ARHGAP15: variants seen among roughly 807,000 people sequenced by gnomAD.
ARHGAP15 encodes rho GTPase-activating protein 15.
Under a neutral mutation model 63.7 loss-of-function variants are expected in ARHGAP15, and 51 were observed. That is an observed-to-expected ratio of 0.80 (90% CI 0.64 to 1.01). The LOEUF is 1.01. ARHGAP15 is among the 50% of genes least tolerant of loss of function. The pLI, the probability that ARHGAP15 is intolerant of heterozygous loss-of-function variation, is 0.00. For missense variants in ARHGAP15, 560 were observed against 564.6 expected (o/e 0.99, Z 0.08); for synonymous variants, 191 against 193.8 (o/e 0.99, Z 0.12).
intron 12 of ARHGAP15, among the ~76,000 whole-genome samples, chr2:143,674,874 A>G (rs1215615114): frequency 6.6e-6 from 1 of 152,130 alleles, no homozygotes; most frequent in Admixed American, 6.6e-5. Context: ...CTGACTGATC[A>G]GGGTGGGGGG....
intron 6 of ARHGAP15, among the ~76,000 whole-genome samples, chr2:143,340,518 A>ATT (rs1189994184): frequency 9.8e-6 from 1 of 101,898 alleles, no homozygotes; most frequent in Non-Finnish European, 2.1e-5. Context: ...TTAATGGCAG[A>ATT]TTTTTTCTCT....
At chr2:143,664,863 C>G (rs534510249) in intron 12 of ARHGAP15, among the ~76,000 whole-genome samples, 2 of 152,096 alleles carry the variant, frequency 1.3e-5, no homozygotes, top group Non-Finnish European at 2.9e-5. Flanking sequence ...CAAGACTAAA[C>G]CAGGAAGAAG....
chr2:143,609,057 T>G (rs1403606584), intron 11 of ARHGAP15, among the ~76,000 whole-genome samples: 1 of 152,238 alleles, frequency 6.6e-6, no homozygotes, highest in East Asian at 1.9e-4. Context: ...AAGTTTAACA[T>G]AAACTACACA....
chr2:143,279,827 C>T (rs1681753112), intron 6 of ARHGAP15, among the ~76,000 whole-genome samples: 1 of 152,136 alleles, frequency 6.6e-6, no homozygotes. Flanking sequence ...GTTTTGGTAA[C>T]TGCAGCTGCT....
chr2:143,644,917 G>T (rs563522778), intron 12 of ARHGAP15, among the ~76,000 whole-genome samples: 1 of 152,072 alleles, frequency 6.6e-6, no homozygotes, highest in African/African-American at 2.4e-5. Context: ...CCTTCTATCT[G>T]CTATCCAAAT....
At chr2:143,575,760 T>C (rs1349345726) in intron 11 of ARHGAP15, among the ~76,000 whole-genome samples, 1 of 152,172 alleles carries the variant, frequency 6.6e-6, no homozygotes, top group African/African-American at 2.4e-5. Flanking sequence ...TTAGCCTGAA[T>C]CCATTATTTC....
chr2:143,384,974 T>TA (rs1687216591), intron 6 of ARHGAP15, among the ~76,000 whole-genome samples: 1 of 152,212 alleles, frequency 6.6e-6, no homozygotes, highest in African/African-American at 2.4e-5. Flanking sequence ...CTTTGTTTCA[T>TA]TCTACAAAAG....
At chr2:143,273,479 A>G (rs901188075) in intron 6 of ARHGAP15, among the ~76,000 whole-genome samples, 4 of 152,178 alleles carry the variant, frequency 2.6e-5, no homozygotes, top group African/African-American at 9.6e-5. Flanking sequence ...TGGTAATACC[A>G]TCATAAATTG....
chr2:143,168,309 C>T (rs1690629688), intron 2 of ARHGAP15, among the ~76,000 whole-genome samples: 2 of 151,984 alleles, frequency 1.3e-5, no homozygotes, highest in Admixed American at 1.3e-4. Context: ...TCCCCAGTAG[C>T]TAGGACTACA....
intron 11 of ARHGAP15, among the ~76,000 whole-genome samples, chr2:143,618,858 G>A (rs1698545729): frequency 6.6e-6 from 1 of 151,536 alleles, no homozygotes; most frequent in African/African-American, 2.4e-5. Context: ...TTGAGACGGA[G>A]TCTCGCTCCG....
chr2:143,203,159 A>G (rs1360322236), intron 3 of ARHGAP15, among the ~76,000 whole-genome samples: 1 of 151,980 alleles, frequency 6.6e-6, no homozygotes, highest in African/African-American at 2.4e-5. Flanking sequence ...TATCTTTGGG[A>G]TGTCCCATCC....
intron 8 of ARHGAP15, among the ~76,000 whole-genome samples, chr2:143,447,520 A>T (rs1448422616): frequency 6.6e-6 from 1 of 152,164 alleles, no homozygotes; most frequent in Admixed American, 6.5e-5. Context: ...GTGATATCTG[A>T]GTTCTGGGGA....
intron 2 of ARHGAP15, among the ~76,000 whole-genome samples, chr2:143,199,941 G>C (rs754150267): frequency 6.6e-6 from 1 of 151,994 alleles, no homozygotes; most frequent in Non-Finnish European, 1.5e-5. Context: ...TTTAGAGCTT[G>C]AGATATAAGC....
chr2:143,402,855 T>G (rs1365995207), intron 6 of ARHGAP15, among the ~76,000 whole-genome samples: 2 of 151,916 alleles, frequency 1.3e-5, no homozygotes, highest in Non-Finnish European at 2.9e-5. Flanking sequence ...ACTTTGGGAC[T>G]TCGATGAAAA....
At chr2:143,303,744 A>T (rs951800584) in intron 6 of ARHGAP15, among the ~76,000 whole-genome samples, 10 of 152,066 alleles carry the variant, frequency 6.6e-5, no homozygotes, top group African/African-American at 1.9e-4. Flanking sequence ...GAATCTACAA[A>T]GAACTCAAAC....
intron 12 of ARHGAP15, among the ~76,000 whole-genome samples, chr2:143,675,590 C>T (rs138219997): frequency 6.6e-6 from 1 of 152,298 alleles, no homozygotes; most frequent in East Asian, 1.9e-4. Flanking sequence ...ATGAAAGCAA[C>T]ATTGGTCTCC....
chr2:143,374,904 T>C (rs1030688969), intron 6 of ARHGAP15, among the ~76,000 whole-genome samples: 7 of 152,192 alleles, frequency 4.6e-5, no homozygotes, highest in African/African-American at 1.7e-4. Context: ...CAGAATTTAA[T>C]GCTGTTAATA....
intron 6 of ARHGAP15, among the ~76,000 whole-genome samples, chr2:143,360,510 A>G (rs529729130): frequency 1.2e-4 from 18 of 152,262 alleles, no homozygotes; most frequent in South Asian, 4.1e-4. Context: ...TAGCAAAAAA[A>G]AAAATGATCT....
At chr2:143,361,868 T>C (rs1686070607) in intron 6 of ARHGAP15, among the ~76,000 whole-genome samples, 4 of 152,198 alleles carry the variant, frequency 2.6e-5, no homozygotes, top group Admixed American at 2.6e-4. Flanking sequence ...TTGTTCACTG[T>C]TAATAATTTC....
Sources: gnomAD v4.1 joint callset for allele counts (sites outside exome capture counted in the v4.1 genomes callset) on GRCh38, gnomAD v4.1.1 for gene constraint, MANE v1.5 for transcripts, NCBI Gene and HGNC (gene_info 2026-07-23, HGNC 2026-07-21) for gene names.